COL27A1: variants seen among roughly 807,000 people sequenced by gnomAD.
COL27A1 encodes collagen type XXVII alpha 1 chain, also known as collagen alpha-1(XXVII) chain.
A neutral mutation model predicts 251.3 loss-of-function variants in COL27A1; 106 were observed. The ratio of observed to expected loss-of-function variants is 0.42; its 90% CI spans 0.36 to 0.50. The LOEUF is 0.50. Ranked by LOEUF, COL27A1 falls within the 20% of genes least tolerant of loss-of-function variation. The pLI is 0.00. For synonymous variants in COL27A1, 1,000 were observed against 986.3 expected (o/e 1.01, Z -0.26); for missense variants, 2,325 against 2,522.8 (o/e 0.92, Z 1.68).
chr9:114,199,071 A>G (rs1829374497), intron 7 of COL27A1, among the ~76,000 whole-genome samples: 1 of 152,152 alleles, frequency 6.6e-6, no homozygotes, highest in Non-Finnish European at 1.5e-5. Context: ...GCTAGTTTCC[A>G]GCTAACCACC....
chr9:114,302,314 T>C (rs1282050464), intron 56 of COL27A1, among the ~76,000 whole-genome samples: 1 of 152,154 alleles, frequency 6.6e-6, no homozygotes, highest in Non-Finnish European at 1.5e-5. Flanking sequence ...ACCTAAGTTT[T>C]TGAGTTGCCT....
rs1457632616 is a variant in COL27A1 at position 114,222,083 on chromosome 9, T to A, written c.2422-140T>A. The A allele has an allele frequency of 4.5e-6, 3 of 667,130 alleles. No homozygotes were observed. In the African/African-American group the frequency reaches 5.3e-5, roughly 12 times the overall value. The allele number at this position is 667,130 out of a possible 1,614,324, so 41.3% of individuals were successfully genotyped here. On this transcript the variant is annotated intron_variant, in intron 13 of 60. Coordinates refer to ENST00000356083, the MANE Select transcript of COL27A1 (RefSeq NM_032888.4). The stretch of plus-strand genomic sequence containing the variant: ...AAACTCCAGGCCAGGCTCAGGAAAG[T>A]CGCTGGAGCCTGTGGTCAGGAATAA...
intron 14 of COL27A1, among the ~76,000 whole-genome samples, chr9:114,222,579 G>A (rs1343077598): frequency 6.6e-6 from 1 of 152,200 alleles, no homozygotes; most frequent in Non-Finnish European, 1.5e-5. Flanking sequence ...GATTGCCAAA[G>A]CCCTTTCACA....
At chr9:114,268,547 T>C (rs1237403682) in intron 34 of COL27A1, among the ~76,000 whole-genome samples, 3 of 152,192 alleles carry the variant, frequency 2.0e-5, no homozygotes, top group Non-Finnish European at 2.9e-5. Flanking sequence ...ATAATTGCCA[T>C]TGCTGCATCC....
chr9:114,295,178 G>A (rs1040841152), intron 49 of COL27A1, among the ~76,000 whole-genome samples: 1 of 152,082 alleles, frequency 6.6e-6, no homozygotes, highest in Non-Finnish European at 1.5e-5. Context: ...AATCTAAAAA[G>A]CAATACTACT....
At chr9:114,253,242 G>A (rs1213973778) in intron 27 of COL27A1, among the ~76,000 whole-genome samples, 1 of 144,262 alleles carries the variant, frequency 6.9e-6, no homozygotes, top group African/African-American at 2.7e-5. Flanking sequence ...CTGGGTGATA[G>A]AGCTAGACCC....
chr9:114,231,939 C>A, intron 16 of COL27A1, 73 bp downstream of exon 16: 1 of 1,486,048 alleles, frequency 6.7e-7, no homozygotes, highest in South Asian at 1.1e-5. Flanking sequence ...GAGGCTGCTG[C>A]TGATTTCTCG....
chr9:114,176,379 C>T (rs918175974), intron 3 of COL27A1, among the ~76,000 whole-genome samples: 29 of 152,164 alleles, frequency 1.9e-4, no homozygotes, highest in Admixed American at 2.0e-4. Flanking sequence ...TAACAGCTAA[C>T]ATTTTTTTTG....
At chr9:114,285,414 A>C (rs1009581892) in intron 41 of COL27A1, among the ~76,000 whole-genome samples, 8 of 152,118 alleles carry the variant, frequency 5.3e-5, no homozygotes, top group Admixed American at 1.3e-4. Context: ...GTCACGTCCA[A>C]GGCAATCCCA....
chr9:114,260,003 G>T (rs960182182), intron 28 of COL27A1, among the ~76,000 whole-genome samples: 1 of 148,310 alleles, frequency 6.7e-6, no homozygotes, highest in Non-Finnish European at 1.5e-5. Context: ...GGTGGGGGGG[G>T]GGTCTCTTCA....
chr9:114,159,213 T>C (rs1848329483), intron 1 of COL27A1, among the ~76,000 whole-genome samples: 1 of 152,202 alleles, frequency 6.6e-6, no homozygotes, highest in Non-Finnish European at 1.5e-5. Context: ...GAAGAGAAGA[T>C]TCTGATTCCA....
At chr9:114,232,479 C>CCAG (rs1431621707) in intron 16 of COL27A1, among the ~76,000 whole-genome samples, 1 of 152,166 alleles carries the variant, frequency 6.6e-6, no homozygotes, top group Non-Finnish European at 1.5e-5. Context: ...GACACAGGGC[C>CCAG]CAGCACTTGT....
At chr9:114,272,493 T>C (rs1187603225) in intron 36 of COL27A1, 1 of 152,178 alleles carries the variant, frequency 6.6e-6, no homozygotes, top group Non-Finnish European at 1.5e-5. Context: ...GAGAGACCCA[T>C]TTTCTTAAGG....
intron 52 of COL27A1, 71 bp from the exon 53 acceptor site, chr9:114,301,213 C>T (rs1828602287): frequency 6.2e-7 from 1 of 1,608,706 alleles, no homozygotes; most frequent in African/African-American, 1.3e-5. Context: ...CCAGTCTGAG[C>T]CTCAGTTTCC....
Position 114,285,463 on chromosome 9 carries a change from G to A in COL27A1, c.3987+686G>A, listed in dbSNP as rs374154689. On this transcript the variant is annotated intron_variant, in intron 41 of 60. Transcript: ENST00000356083. The stretch of plus-strand genomic sequence containing the variant: ...ACCCACGTGTCTAAGTCCTACCTTC[G>A]TCGCCTGAGTCCCTCCTGTCTTTCC... 1.1e-3 allele frequency among the ~76,000 whole-genome samples: 160 copies of A among 152,216 alleles called. 2 individuals are homozygous for A. Among genetic ancestry groups the A allele is most frequent in the African/African-American group, 3.6e-3 (151 of 41,524 alleles).
intron 56 of COL27A1, among the ~76,000 whole-genome samples, chr9:114,303,781 C>T (rs906151551): frequency 4.6e-5 from 7 of 152,210 alleles, no homozygotes; most frequent in Non-Finnish European, 5.9e-5. Context: ...GGCTATGTCT[C>T]TGCCAAGCCC....
At position 114,300,690 on chromosome 9, in the gene COL27A1, G is replaced by A; in HGVS notation, c.4701+3G>A. On this transcript the variant is annotated splice_donor_region_variant and intron_variant, in intron 51 of 60. Transcript: ENST00000356083. ...CTCGGGGGCCACCTGGCTTGATGGT[G>A]AGTTCCCTCCCTGCTGTCGGAGCAG... The A allele has an allele frequency of 2.0e-6, 3 of 1,504,318 alleles. No individual in the cohort carries two copies. The South Asian group carries it at 4.0e-5, about 20-fold the overall frequency. 93.2% of individuals were successfully genotyped at this position (1,504,318 alleles called of 1,614,324 possible).
chr9:114,205,614 T>C (rs1829898448), intron 8 of COL27A1, 145 bp from the exon 9 acceptor site: 1 of 752,936 alleles, frequency 1.3e-6, no homozygotes, highest in South Asian at 1.6e-5. Flanking sequence ...AGGGGTGGGC[T>C]TGGGGGCCCT....
At chr9:114,179,351 C>A (rs1331607266) in intron 4 of COL27A1, among the ~76,000 whole-genome samples, 2 of 152,158 alleles carry the variant, frequency 1.3e-5, no homozygotes, top group Non-Finnish European at 2.9e-5. Context: ...CTGGGGACCA[C>A]ATAGATATCA....
Sources: allele counts gnomAD v4.1 joint callset (sites outside exome capture counted in the v4.1 genomes callset), GRCh38; gene constraint gnomAD v4.1.1; transcripts MANE v1.5; gene names NCBI Gene and HGNC (gene_info 2026-07-23, HGNC 2026-07-21).